The following UNC13C variants were observed in gnomAD, a reference collection of about 807,000 sequenced individuals.
UNC13C encodes the protein unc-13 homolog C.
In UNC13C, 174 loss-of-function variants were observed where a neutral mutation model predicts 245.4. That is an observed-to-expected ratio of 0.71 (90% CI 0.63 to 0.80). The LOEUF is 0.80. Ranked by LOEUF, UNC13C falls within the 30% of genes least tolerant of loss-of-function variation. The pLI is 0.00. For missense variants in UNC13C, 2,829 were observed against 2,602.9 expected, an observed-to-expected ratio of 1.09 and a Z score of -1.89; for synonymous variants, 992 against 895.1, an observed-to-expected ratio of 1.11 and a Z score of -1.93.
chr15:54,590,527 GGTTTGTTTGTTT>G (rs559924634), intron 30 of UNC13C, among the ~76,000 whole-genome samples: 2 of 151,746 alleles, frequency 1.3e-5, no homozygotes, highest in Non-Finnish European at 2.9e-5. Context: ...TATTCCTAAG[GGTTTGTTTGTTT>G]GTTTGTTTGC....
intron 28 of UNC13C, among the ~76,000 whole-genome samples, chr15:54,550,433 G>T (rs1166871113): frequency 1.3e-5 from 2 of 152,128 alleles, no homozygotes; most frequent in African/African-American, 4.8e-5. Context: ...ACTGCAAAGT[G>T]TATGTCACCT....
At chr15:54,591,152 C>T (rs934733334) in intron 30 of UNC13C, among the ~76,000 whole-genome samples, 1 of 152,124 alleles carries the variant, frequency 6.6e-6, no homozygotes, top group African/African-American at 2.4e-5. Flanking sequence ...CCACTTGGAT[C>T]ATGGTGGATT....
downstream of UNC13C, chr15:54,633,260 T>G: frequency 6.6e-6 from 1 of 152,236 alleles, no homozygotes; most frequent in East Asian, 1.9e-4. Context: ...CAATATTGAA[T>G]CTTCAATTCG....
intron 1 of UNC13C, among the ~76,000 whole-genome samples, chr15:53,981,820 T>C (rs557463062): frequency 6.6e-6 from 1 of 152,258 alleles, no homozygotes; most frequent in South Asian, 2.1e-4. Flanking sequence ...AGAGGAGAAG[T>C]AGACAATAAG....
chr15:54,089,996 GAAGGAC>G (rs1322054832), intron 2 of UNC13C, among the ~76,000 whole-genome samples: 115 of 152,280 alleles, frequency 7.6e-4, no homozygotes, highest in African/African-American at 2.7e-3. Context: ...ATTTTACTGG[GAAGGAC>G]TCTGGCACAA....
chr15:54,026,542 A>G (rs527963101), intron 2 of UNC13C, among the ~76,000 whole-genome samples: 1 of 152,242 alleles, frequency 6.6e-6, no homozygotes, highest in Non-Finnish European at 1.5e-5. Context: ...GGAGTCATTT[A>G]TTAAAGACAT....
At chr15:54,402,186 A>T (rs1034389645) in intron 18 of UNC13C, among the ~76,000 whole-genome samples, 1 of 152,084 alleles carries the variant, frequency 6.6e-6, no homozygotes, top group African/African-American at 2.4e-5. Flanking sequence ...TAGCGAAAAA[A>T]CCCACAGATC....
chr15:54,284,873 C>G (rs2140922638), intron 10 of UNC13C, among the ~76,000 whole-genome samples: 1 of 152,112 alleles, frequency 6.6e-6, no homozygotes, highest in Admixed American at 6.5e-5. Context: ...TATTAGTCAT[C>G]AAAACAGCTG....
At chr15:54,102,549 T>G (rs1369300037) in intron 2 of UNC13C, among the ~76,000 whole-genome samples, 1 of 152,166 alleles carries the variant, frequency 6.6e-6, no homozygotes, top group African/African-American at 2.4e-5. Flanking sequence ...CCAGTAGAGG[T>G]GTTCTATCCG....
chr15:54,591,875 C>A (rs768257136), intron 30 of UNC13C, among the ~76,000 whole-genome samples: 1 of 151,958 alleles, frequency 6.6e-6, no homozygotes, highest in South Asian at 2.1e-4. Flanking sequence ...TTCCTTGATG[C>A]CTGACCTTAG....
the UNC13C span, among the ~76,000 whole-genome samples, chr15:53,964,114 C>T: frequency 6.6e-6 from 1 of 152,004 alleles, no homozygotes; most frequent in African/African-American, 2.4e-5. Flanking sequence ...AAATGGGTTA[C>T]AATTTTAGGA....
At chr15:54,600,725 C>A (rs1328370894) in intron 30 of UNC13C, among the ~76,000 whole-genome samples, 1 of 151,926 alleles carries the variant, frequency 6.6e-6, no homozygotes, top group African/African-American at 2.4e-5. Context: ...TCTTTGAAAA[C>A]AAAGCTTTCA....
intron 4 of UNC13C, among the ~76,000 whole-genome samples, chr15:54,192,004 A>G (rs527542322): frequency 3.3e-5 from 5 of 152,030 alleles, no homozygotes; most frequent in Non-Finnish European, 4.4e-5. Context: ...TAGGTTGCCT[A>G]TCCACTCTGA....
At chr15:54,472,489 A>C (rs11638481) in intron 19 of UNC13C, among the ~76,000 whole-genome samples, 12,302 of 151,874 alleles carry the variant, frequency 0.081, 568 homozygotes, top group Middle Eastern at 0.15. Flanking sequence ...TTTTCATATC[A>C]GTAATTAGCA....
chr15:54,409,159 G>A (rs2040367155), intron 18 of UNC13C, among the ~76,000 whole-genome samples: 1 of 151,812 alleles, frequency 6.6e-6, no homozygotes, highest in Non-Finnish European at 1.5e-5. Context: ...CTCTTATTAA[G>A]GTGAACAGCT....
intron 19 of UNC13C, among the ~76,000 whole-genome samples, chr15:54,471,766 G>C (rs1463461412): frequency 6.6e-6 from 1 of 151,544 alleles, no homozygotes; most frequent in Admixed American, 6.6e-5. Flanking sequence ...TGTTATGTCT[G>C]TTTGATGTAG....
intron 19 of UNC13C, among the ~76,000 whole-genome samples, chr15:54,430,067 C>G (rs1333892754): frequency 2.0e-5 from 3 of 151,572 alleles, no homozygotes. Flanking sequence ...TTACAGTATT[C>G]TATACATTCA....
chr15:54,615,948 C>G (rs1900406307), intron 30 of UNC13C, among the ~76,000 whole-genome samples: 1 of 152,024 alleles, frequency 6.6e-6, no homozygotes, highest in African/African-American at 2.4e-5. Context: ...TTCTTTATGT[C>G]TAAAACAAAA....
intron 4 of UNC13C, among the ~76,000 whole-genome samples, chr15:54,196,030 G>A (rs2034341630): frequency 6.6e-6 from 1 of 151,944 alleles, no homozygotes; most frequent in Non-Finnish European, 1.5e-5. Flanking sequence ...CCAAACTTAT[G>A]AACACTGAAA....
Sources: allele counts gnomAD v4.1 joint callset (sites outside exome capture counted in the v4.1 genomes callset), GRCh38; gene constraint gnomAD v4.1.1; transcripts MANE v1.5; gene names NCBI Gene and HGNC (gene_info 2026-07-23, HGNC 2026-07-21).